ZC3H18: variants seen among roughly 807,000 people sequenced by gnomAD.
ZC3H18 encodes the protein zinc finger CCCH-type containing 18.
Under a neutral mutation model 106.1 loss-of-function variants are expected in ZC3H18, and 8 were observed. The ratio of observed to expected loss-of-function variants is 0.08; its 90% confidence interval spans 0.04 to 0.14. The LOEUF is 0.14. Among genes scored for constraint, ZC3H18 ranks in the 10% least tolerant of loss-of-function variants. The pLI, the probability that ZC3H18 is intolerant of heterozygous loss-of-function variation, is 1.00. For synonymous variants in ZC3H18, 635 were observed against 522.1 expected (o/e 1.22, Z -2.95); for missense variants, 1,318 against 1,278.4 (o/e 1.03, Z -0.47).
At chr16:88,581,337 G>A (rs950617459) in intron 2 of ZC3H18, among the ~76,000 whole-genome samples, 27 of 152,262 alleles carry the variant, frequency 1.8e-4, no homozygotes, top group African/African-American at 6.3e-4. Flanking sequence ...CAGGGCACAT[G>A]TCCCTTTTAG....
At chr16:88,611,189 G>A in intron 7 of ZC3H18, 79 bp from the exon 8 acceptor site, 1 of 702,984 alleles carries the variant, frequency 1.4e-6, no homozygotes. Flanking sequence ...AGATCGCGTG[G>A]TGTTGGAGCC....
intron 3 of ZC3H18, chr16:88,587,477 A>G (rs979680667): frequency 2.2e-6 from 3 of 1,374,956 alleles, no homozygotes; most frequent in African/African-American, 2.9e-5. Flanking sequence ...CCCATAGATG[A>G]CTGTCACTGC....
chr16:88,602,893 T>C (rs1345325060), intron 6 of ZC3H18, among the ~76,000 whole-genome samples: 3 of 152,192 alleles, frequency 2.0e-5, no homozygotes, highest in Admixed American at 1.3e-4. Context: ...AGGCACTTCA[T>C]TGTAGAACCA....
intron 3 of ZC3H18, among the ~76,000 whole-genome samples, chr16:88,597,152 ACGT>A (rs1330979558): frequency 6.6e-6 from 1 of 152,168 alleles, no homozygotes; most frequent in African/African-American, 2.4e-5. Flanking sequence ...TGATCTCTTG[ACGT>A]CGTGAGCCAC....
intron 16 of ZC3H18, among the ~76,000 whole-genome samples, 193 bp downstream of exon 16, chr16:88,629,047 A>G (rs1290348566): frequency 6.6e-6 from 1 of 152,270 alleles, no homozygotes; most frequent in African/African-American, 2.4e-5. Context: ...TATTTGTTTA[A>G]AAATAACAGG....
intron 3 of ZC3H18, among the ~76,000 whole-genome samples, chr16:88,594,244 AAC>A (rs1401169303): frequency 2.0e-5 from 3 of 152,316 alleles, no homozygotes; most frequent in Admixed American, 1.3e-4. Flanking sequence ...ATATTTTAAA[AAC>A]AGTTTCATAA....
intron 2 of ZC3H18, among the ~76,000 whole-genome samples, chr16:88,583,823 A>T (rs1300094938): frequency 6.6e-6 from 1 of 151,922 alleles, no homozygotes; most frequent in Non-Finnish European, 1.5e-5. Flanking sequence ...TTTTTAGGCC[A>T]ATTTGTAGCT....
At chr16:88,612,616 C>T (rs1026572083) in intron 8 of ZC3H18, among the ~76,000 whole-genome samples, 1 of 148,152 alleles carries the variant, frequency 6.7e-6, no homozygotes, top group East Asian at 2.0e-4. Context: ...GTGTTGGAGG[C>T]TGCCATGAGC....
intron 3 of ZC3H18, among the ~76,000 whole-genome samples, chr16:88,590,418 A>G (rs531583246): frequency 6.6e-6 from 1 of 152,302 alleles, no homozygotes; most frequent in East Asian, 1.9e-4. Context: ...TCCACAGCAC[A>G]TACACTACAA....
intron 8 of ZC3H18, among the ~76,000 whole-genome samples, chr16:88,613,590 G>A (rs1382504041): frequency 1.3e-5 from 2 of 152,160 alleles, no homozygotes; most frequent in Non-Finnish European, 2.9e-5. Context: ...TCTGATGATG[G>A]ATGATAATGA....
Position 88,611,277 on chromosome 16 carries a change from C to T in ZC3H18, c.1216C>T (p.Arg406Trp), listed in dbSNP as rs748461052. Residue 406 changes from arginine to tryptophan, a missense_variant, in exon 8 of 18, where the codon CGG becomes TGG. Physicochemically the swap from Arg to Trp is moderately radical, Grantham distance 101. Around this residue, in one of 6 missense-constraint regions of ZC3H18, gnomAD observed 848 missense variants for 821.7 expected, o/e 1.03. Coordinates refer to ENST00000301011, the MANE Select transcript of ZC3H18 (RefSeq NM_144604.4). Reference protein sequence around the residue: ...EPYHNYRERERERERENRQRE... With the variant: ...EPYHNYREREWERERENRQRE... ...TGGCTTTTTAACAAAGGAAAGGGAG[C>T]GGGAGCGAGAGAGAGAGAACAGACA... The T allele has an allele frequency of 1.9e-5, 14 of 729,734 alleles. No homozygotes were observed. The highest frequency in any genetic ancestry group is 1.2e-4 in the Admixed American group (7 of 56,130). 45.2% of individuals were successfully genotyped at this position (729,734 alleles called of 1,614,324 possible). A position where few individuals can be genotyped will look rare whatever the true frequency, so the allele number is the denominator to read the frequency against.
chr16:88,597,568 G>A (rs908488387), intron 3 of ZC3H18, among the ~76,000 whole-genome samples: 1 of 152,194 alleles, frequency 6.6e-6, no homozygotes, highest in African/African-American at 2.4e-5. Flanking sequence ...TGAAAGTCGA[G>A]GTCTCCTTTA....
chr16:88,598,092 G>GCCCCCCCCCC, intron 3 of ZC3H18, 86 bp from the exon 4 acceptor site: 5 of 349,612 alleles, frequency 1.4e-5, no homozygotes, highest in Non-Finnish European at 2.2e-5. Flanking sequence ...CATGGCCTCT[G>GCCCCCCCCCC]CCCCCTCCCA....
chr16:88,580,204 GTGTGTATATGTATA>G (rs1915035560), intron 2 of ZC3H18, among the ~76,000 whole-genome samples: 2 of 68,466 alleles, frequency 2.9e-5, no homozygotes, highest in East Asian at 4.0e-4. Flanking sequence ...GTGTGTGTGT[GTGTGTATATGTATA>G]TGTCTCTGCC....
intron 2 of ZC3H18, among the ~76,000 whole-genome samples, chr16:88,584,221 A>G (rs913214080): frequency 2.0e-5 from 3 of 152,158 alleles, no homozygotes; most frequent in Admixed American, 6.5e-5. Flanking sequence ...CAGGAGTTCA[A>G]GACCAGCCTG....
intron 8 of ZC3H18, among the ~76,000 whole-genome samples, chr16:88,619,048 T>G (rs915953284): frequency 6.6e-6 from 1 of 152,202 alleles, no homozygotes; most frequent in African/African-American, 2.4e-5. Context: ...GGTGACATTC[T>G]TTGCTGAGAG....
At chr16:88,576,644 A>G (rs1914769869) in intron 1 of ZC3H18, among the ~76,000 whole-genome samples, 1 of 152,210 alleles carries the variant, frequency 6.6e-6, no homozygotes, top group Admixed American at 6.5e-5. Flanking sequence ...AGGCTGGCCC[A>G]GGTTCCTGCT....
chr16:88,629,390 C>T (rs1375622018), intron 16 of ZC3H18, among the ~76,000 whole-genome samples: 11 of 152,304 alleles, frequency 7.2e-5, no homozygotes, highest in African/African-American at 2.6e-4. Context: ...GCAGGAGAAT[C>T]GCTTGAACCT....
Position 88,623,242 on chromosome 16 carries a change from A to C in ZC3H18, c.1691A>C (p.Tyr564Ser). The C allele has an allele frequency of 6.2e-7, 1 of 1,611,750 alleles. No homozygotes were observed. Among genetic ancestry groups the C allele is most frequent in the Non-Finnish European group, 8.5e-7 (1 of 1,179,536 alleles). The change falls in exon 10 of 18, where the codon TAC (tyrosine) becomes TCC (serine). Residue 564 changes from tyrosine to serine, a missense_variant. Tyr to Ser is a moderately radical substitution (Grantham distance 144, BLOSUM62 -2). Transcript: ENST00000301011. ...SSRSSSRSSSYSGSGSSRSRS... is the reference protein window; with the variant it reads ...SSRSSSRSSSSSGSGSSRSRS... ...AGGTCGTCTTCGCGGTCATCGTCCT[A>C]CTCTGGCTCCGGCTCCTCCCGGTCG...
Sources: allele counts gnomAD v4.1 joint callset (sites outside exome capture counted in the v4.1 genomes callset), GRCh38; gene constraint gnomAD v4.1.1; regional missense constraint gnomAD v4.1.1; transcripts MANE v1.5; gene names NCBI Gene and HGNC (gene_info 2026-07-23, HGNC 2026-07-21).